ACVR2B: variants seen among roughly 807,000 people sequenced by gnomAD.
ACVR2B encodes activin receptor type-2B.
ACVR2B carries 18 observed loss-of-function variants against 65.1 expected under a neutral mutation model. The observed-to-expected ratio is 0.28, with a 90% CI of 0.19 to 0.41. The LOEUF is 0.41. Ranked by LOEUF, ACVR2B falls within the 10% of genes least tolerant of loss-of-function variation. The probability of loss-of-function intolerance (pLI) is 1.00; values close to 1 mark genes in which losing one functional copy is unlikely to be tolerated. For synonymous variants in ACVR2B, 298 were observed against 277.7 expected (o/e 1.07, Z -0.73); for missense variants, 482 against 682.7 (o/e 0.71, Z 3.28).
At chr3:38,462,835 G>C (rs1258098115) in intron 1 of ACVR2B, among the ~76,000 whole-genome samples, 1 of 152,146 alleles carries the variant, frequency 6.6e-6, no homozygotes, top group African/African-American at 2.4e-5. Context: ...GGTTTTAATA[G>C]ATACTGAAAA....
chr3:38,468,371 T>C (rs1709765928), intron 1 of ACVR2B, among the ~76,000 whole-genome samples: 1 of 152,118 alleles, frequency 6.6e-6, no homozygotes, highest in Admixed American at 6.6e-5. Flanking sequence ...ATCCTGGAAG[T>C]CAAGGGGGTT....
intron 1 of ACVR2B, 61 bp downstream of exon 1, chr3:38,454,435 G>A: frequency 8.2e-7 from 1 of 1,213,714 alleles, no homozygotes; most frequent in East Asian, 3.2e-5. Context: ...CTCTGGCGCC[G>A]CGCGGTGTTT....
At chr3:38,463,829 A>G (rs773367740) in intron 1 of ACVR2B, among the ~76,000 whole-genome samples, 2 of 152,128 alleles carry the variant, frequency 1.3e-5, no homozygotes, top group African/African-American at 2.4e-5. Flanking sequence ...CTTTTCTTAC[A>G]ATTCTGGGGA....
rs1042152107 is a variant in ACVR2B, at chr3:38,492,431, T to A, written c.*9099T>A. 4 of 152,584 alleles carry A rather than the reference T, an allele frequency of 2.6e-5. No individual in the cohort carries two copies. Among genetic ancestry groups the A allele is most frequent in the Non-Finnish European group, 4.4e-5 (3 of 68,020 alleles). 9.5% of individuals were successfully genotyped at this position (152,584 alleles called of 1,614,324 possible). ...TCTGGAAATGTGACTAGTATATGAT[T>A]TAAGGCTGTAGAAGCAAGGAAGCTC... On this transcript the variant is annotated 3_prime_UTR_variant, in exon 11 of 11. Transcript: ENST00000352511.
intron 1 of ACVR2B, among the ~76,000 whole-genome samples, chr3:38,462,337 AG>A (rs1380835924): frequency 6.6e-6 from 1 of 152,252 alleles, no homozygotes; most frequent in African/African-American, 2.4e-5. Context: ...ACAGCTAAGA[AG>A]CATTTTCACA....
intron 1 of ACVR2B, among the ~76,000 whole-genome samples, chr3:38,459,156 C>G (rs9809948): frequency 0.1 from 15,251 of 152,200 alleles, 1,062 homozygotes; most frequent in African/African-American, 0.2. Context: ...TCCATCCCCC[C>G]ACTCTGGATG....
intron 1 of ACVR2B, chr3:38,459,645 C>T: frequency 5.1e-6 from 5 of 985,416 alleles, no homozygotes; most frequent in Non-Finnish European, 4.8e-6. Context: ...GCCTGGAGCC[C>T]CCAGGCCGGG....
intron 1 of ACVR2B, chr3:38,474,879 C>G (rs972771962): frequency 6.6e-6 from 1 of 152,204 alleles, no homozygotes; most frequent in Non-Finnish European, 1.5e-5. Context: ...TGGTAACTTC[C>G]GACTTACGCT....
intron 10 of ACVR2B, 52 bp downstream of exon 10, chr3:38,482,612 C>T (rs1215219886): frequency 1.9e-6 from 3 of 1,593,962 alleles, no homozygotes; most frequent in Non-Finnish European, 8.5e-7. Flanking sequence ...AGGGAAAACC[C>T]TTCATGTGTA....
In ACVR2B at chr3:38,488,355, C is replaced by G. The variant is rs959690888; in HGVS notation, c.*5023C>G. ...CCAGCAGTCTACCTATGAATGTATC[C>G]CAAACCTTTAGAAGATTGGAAAAGA... On this transcript the variant is annotated 3_prime_UTR_variant, in exon 11 of 11. Transcript: ENST00000352511. The G allele has an allele frequency of 6.6e-6, 1 of 152,122 alleles. No individual in the cohort carries two copies. Among genetic ancestry groups the G allele is most frequent in the African/African-American group, 2.4e-5 (1 of 41,410 alleles). 9.4% of individuals were successfully genotyped at this position (152,122 alleles called of 1,614,324 possible). A position where few individuals can be genotyped will look rare whatever the true frequency, so the allele number is the denominator to read the frequency against.
At chr3:38,467,593 A>ATT (rs59511123) in intron 1 of ACVR2B, among the ~76,000 whole-genome samples, 1 of 44,642 alleles carries the variant, frequency 2.2e-5, no homozygotes. Context: ...TCTACAAAAA[A>ATT]AAAAAAATTA....
At chr3:38,469,036 G>A (rs1559649253) in intron 1 of ACVR2B, among the ~76,000 whole-genome samples, 1 of 152,148 alleles carries the variant, frequency 6.6e-6, no homozygotes, top group African/African-American at 2.4e-5. Flanking sequence ...GAGGTCACCT[G>A]GCTTGGTTCC....
chr3:38,454,550 C>A, intron 1 of ACVR2B, 176 bp downstream of exon 1: 1 of 461,252 alleles, frequency 2.2e-6, no homozygotes, highest in Non-Finnish European at 3.4e-6. Context: ...GCTCGCCGAA[C>A]TTGGGGGCAC....
chr3:38,457,731 C>T (rs896081596), intron 1 of ACVR2B, among the ~76,000 whole-genome samples: 2 of 152,236 alleles, frequency 1.3e-5, no homozygotes, highest in African/African-American at 4.8e-5. Context: ...TGCCTCCTGT[C>T]TATCCCATCA....
At chr3:38,474,469 A>G (rs922668653) in intron 1 of ACVR2B, 5 of 152,226 alleles carry the variant, frequency 3.3e-5, no homozygotes, top group Non-Finnish European at 7.3e-5. Flanking sequence ...CATGATACCT[A>G]TACCCTTCTG....
intron 6 of ACVR2B, 97 bp from the exon 7 acceptor site, chr3:38,479,581 C>T (rs1397825866): frequency 7.0e-7 from 1 of 1,433,444 alleles, no homozygotes; most frequent in Non-Finnish European, 9.8e-7. Flanking sequence ...GGAGAGCAGC[C>T]TAGCCATTGG....
rs765776865 is a variant in ACVR2B at position 38,479,686 on chromosome 3, C to T, written c.819C>T (p.Leu273=). 8 of 1,614,076 alleles carry T rather than the reference C, an allele frequency of 5.0e-6. No individual in the cohort carries two copies. The highest frequency in any genetic ancestry group is 3.3e-5 in the Admixed American group (2 of 60,000). ...LITAFHDKGS[L]TDYLKGNIIT... ...GTGCTGTCTTCTCTCAGGGCTCCCT[C>T]ACGGATTACCTCAAGGGGAACATCA... The change falls in exon 7 of 11, where the codon CTC becomes CTT. Residue 273 remains leucine, a synonymous_variant. Transcript: ENST00000352511.
Position 38,483,297 on chromosome 3 carries a change from A to G in ACVR2B, c.1504A>G (p.Asn502Asp). 6.2e-7 allele frequency: 1 copy of G among 1,614,090 alleles called. No individual in the cohort carries two copies. Among genetic ancestry groups the G allele is most frequent in the Non-Finnish European group, 8.5e-7 (1 of 1,180,024 alleles). The change falls in exon 11 of 11, where the codon AAT becomes GAT. Residue 502 changes from asparagine to aspartate, a missense_variant. By Grantham distance (23) the Asn-to-Asp change is conservative. Around this residue, in one of 5 missense-constraint regions of ACVR2B, gnomAD observed 38 missense variants for 29.3 expected, o/e 1.30. Coordinates refer to ENST00000352511, the MANE Select transcript of ACVR2B (RefSeq NM_001106.4). The surrounding 1 kb of genome is among the most constrained non-coding windows in gnomAD (Gnocchi z 4.8). ...CGTTTCCCTGGTGACCTCTGTCACCAATGTGGACCTGCCCCCTAAAGAGTC... is the reference window on the plus strand; with the variant it reads ...CGTTTCCCTGGTGACCTCTGTCACCGATGTGGACCTGCCCCCTAAAGAGTC... Reference protein sequence around the residue: ...CLVSLVTSVTNVDLPPKESSI With the variant: ...CLVSLVTSVTDVDLPPKESSI
At position 38,477,339 on chromosome 3, in the gene ACVR2B, C is replaced by T; in HGVS notation, c.105C>T (p.Asn35=). The T allele has an allele frequency of 6.2e-7, 1 of 1,614,178 alleles. No individual in the cohort carries two copies. Among genetic ancestry groups the T allele is most frequent in the South Asian group, 1.1e-5 (1 of 91,086 alleles). ...GGGAGTGCATCTACTACAACGCCAA[C>T]TGGGAGCTGGAGCGCACCAACCAGA... ...ETRECIYYNA[N]WELERTNQSG... The change falls in exon 2 of 11, where the codon AAC becomes AAT. Residue 35 remains asparagine (N), a synonymous_variant. Transcript: ENST00000352511. The surrounding 1 kb of genome is among the most constrained non-coding windows in gnomAD (Gnocchi z 6.7).
Sources: gnomAD v4.1 joint callset for allele counts (sites outside exome capture counted in the v4.1 genomes callset) on GRCh38, gnomAD v4.1.1 for gene constraint, gnomAD v4.1.1 regional missense constraint, Gnocchi (gnomAD v3.1) non-coding constraint, MANE v1.5 for transcripts, NCBI Gene and HGNC (gene_info 2026-07-23, HGNC 2026-07-21) for gene names.